Variants in FOXL2NB observed in about 807,000 individuals in gnomAD.
FOXL2NB encodes FOXL2 neighbor.
Under a neutral mutation model 7.4 loss-of-function variants are expected in FOXL2NB, and 10 were observed. That is an observed-to-expected ratio of 1.34 (90% CI 0.83 to 2.28). FOXL2NB has a LOEUF of 2.28. FOXL2NB is among the 30% of genes most tolerant of loss of function. The pLI is 0.00. For synonymous variants in FOXL2NB, 104 were observed against 105.3 expected (o/e 0.99, Z 0.08); for missense variants, 228 against 233.9 (o/e 0.97, Z 0.17).
intron 1 of FOXL2NB, chr3:138,948,017 T>C (rs1314201870): frequency 6.4e-5 from 63 of 983,194 alleles, no homozygotes; most frequent in Non-Finnish European, 7.1e-5. Context: ...GGTATGCACA[T>C]GTACAAGGTG....
chr3:138,950,841 A>T lies in FOXL2NB; in HGVS notation c.*269A>T. 2.0e-6 allele frequency: 1 copy of T among 490,220 alleles called. No individual in the cohort carries two copies. The highest frequency in any genetic ancestry group is 3.6e-6 in the Non-Finnish European group (1 of 280,404). The allele number at this position is 490,220 out of a possible 1,614,324, so 30.4% of individuals were successfully genotyped here. ...GAAAACATGTCAAGCCAATGTGCAG[A>T]CCCTAAGGCTTTTCACACGCTGCTC... On this transcript the variant is annotated 3_prime_UTR_variant, in exon 3 of 3. Coordinates refer to ENST00000383165, the MANE Select transcript of FOXL2NB (RefSeq NM_001040061.3).
chr3:138,950,194 C>T, intron 2 of FOXL2NB, 71 bp from the exon 3 acceptor site: 1 of 1,544,616 alleles, frequency 6.5e-7, no homozygotes, highest in Non-Finnish European at 8.9e-7. Context: ...AGCCTGGCCC[C>T]GCGCCTCGGA....
chr3:138,948,829 A>G (rs1297708577), intron 1 of FOXL2NB, among the ~76,000 whole-genome samples: 2 of 152,202 alleles, frequency 1.3e-5, no homozygotes, highest in African/African-American at 2.4e-5. Context: ...GGAATTCAGC[A>G]TCTTGAAGAT....
chr3:138,953,849 T>G lies in FOXL2NB; in HGVS notation c.*3277T>G, dbSNP rs574329455. Among the ~76,000 whole-genome samples the G allele has an allele frequency of 7.2e-5, 11 of 152,384 alleles. No homozygotes were observed. The South Asian group carries it at 1.2e-3, about 17-fold the overall frequency. On this transcript the variant is annotated 3_prime_UTR_variant, in exon 3 of 3. Coordinates refer to ENST00000383165, the MANE Select transcript of FOXL2NB (RefSeq NM_001040061.3). ...TGTGCAACATATTTTTAATATTCACTGGTCTTGTTGCATGTGTCAGACATT... is the reference window on the plus strand; with the variant it reads ...TGTGCAACATATTTTTAATATTCACGGGTCTTGTTGCATGTGTCAGACATT...
At position 138,953,752 on chromosome 3, in the gene FOXL2NB, A is replaced by G. The variant is rs1482724765; in HGVS notation, c.*3180A>G. 6.6e-6 allele frequency among the ~76,000 whole-genome samples: 1 copy of G among 152,232 alleles called. No homozygotes were observed. Among genetic ancestry groups the G allele is most frequent in the Admixed American group, 6.5e-5 (1 of 15,284 alleles). ...CATATTTGGATTTCTATCACCATAA[A>G]TAACCTTTGCCTGCCTTGAGCCTCG... On this transcript the variant is annotated 3_prime_UTR_variant, in exon 3 of 3. Transcript: ENST00000383165.
At chr3:138,950,181 C>A in intron 2 of FOXL2NB, 84 bp from the exon 3 acceptor site, 1 of 1,466,054 alleles carries the variant, frequency 6.8e-7, no homozygotes, top group Non-Finnish European at 9.4e-7. Flanking sequence ...CGCGCCTCCT[C>A]GCAGCCTGGC....
rs1936106880 is a variant in FOXL2NB at position 138,950,433 on chromosome 3, C to G, written c.389C>G (p.Pro130Arg). 1 of 1,614,042 alleles carries G rather than the reference C, an allele frequency of 6.2e-7. No homozygotes were observed. Among genetic ancestry groups the G allele is most frequent in the South Asian group, 1.1e-5 (1 of 91,092 alleles). ...AGCLNQVPLS[P>R]FLAGPRNTRR... The stretch of plus-strand genomic sequence containing the variant: ...TGCCTGAACCAGGTTCCGCTGTCCC[C>G]TTTCCTAGCGGGACCCCGAAACACC... Residue 130 changes from proline to arginine, a missense_variant, in exon 3 of 3, where the codon CCT (proline) becomes CGT (arginine). By Grantham distance (103) the Pro-to-Arg change is moderately radical (BLOSUM62 -2). Transcript: ENST00000383165.
rs1218492451 is a variant in FOXL2NB, at chr3:138,951,690, A to G, written c.*1118A>G. 4 of 152,188 alleles carry G rather than the reference A, an allele frequency of 2.6e-5. No individual in the cohort carries two copies. The highest frequency in any genetic ancestry group is 4.4e-5 in the Non-Finnish European group (3 of 68,070). 9.4% of individuals were successfully genotyped at this position (152,188 alleles called of 1,614,324 possible). A position where few individuals can be genotyped will look rare whatever the true frequency, so the allele number is the denominator to read the frequency against. ...TATCCCTCATGACATCTATGGCCCA[A>G]AGCCATTTTGTTCAGCTCTGAACAG... On this transcript the variant is annotated 3_prime_UTR_variant, in exon 3 of 3. Coordinates refer to ENST00000383165, the MANE Select transcript of FOXL2NB (RefSeq NM_001040061.3).
At position 138,950,365 on chromosome 3, in the gene FOXL2NB, C is replaced by A. The variant is rs1183947353; in HGVS notation, c.321C>A (p.Ser107Arg). 7.4e-6 allele frequency: 12 copies of A among 1,611,916 alleles called. No homozygotes were observed. Among genetic ancestry groups the A allele is most frequent in the African/African-American group, 2.7e-5 (2 of 74,866 alleles). Residue 107 changes from serine (S) to arginine (R), a missense_variant, in exon 3 of 3, where the codon AGC becomes AGA. Ser to Arg is a moderately radical substitution (Grantham distance 110). Transcript: ENST00000383165. ...GTCGCGGCTGCTCTGAGGCAGGCAGCGCTTCGCTAGAACCACTCAGCTCGT... is the reference window on the plus strand; with the variant it reads ...GTCGCGGCTGCTCTGAGGCAGGCAGAGCTTCGCTAGAACCACTCAGCTCGT... ...GKRRGCSEAG[S>R]ASLEPLSSSR...
Position 138,949,932 on chromosome 3 carries a change from T to C in FOXL2NB, c.220+293T>C, listed in dbSNP as rs926602121. ...TTTTGTGGACGCCAGGGCCGGTTCC[T>C]TTTCTCCCCGCGGCATTGGGGCGAC... On this transcript the variant is annotated intron_variant, in intron 2 of 2. Coordinates refer to ENST00000383165, the MANE Select transcript of FOXL2NB (RefSeq NM_001040061.3). The surrounding 1 kb of genome is among the most constrained non-coding windows in gnomAD (Gnocchi z 4.5). 8.7e-6 allele frequency: 6 copies of C among 689,226 alleles called. No homozygotes were observed. Among genetic ancestry groups the C allele is most frequent in the Non-Finnish European group, 1.6e-5 (6 of 378,422 alleles). 42.7% of individuals were successfully genotyped at this position (689,226 alleles called of 1,614,324 possible). A position where few individuals can be genotyped will look rare whatever the true frequency, so the allele number is the denominator to read the frequency against.
At position 138,949,936 on chromosome 3, in the gene FOXL2NB, C is replaced by T. The variant is rs1192157105; in HGVS notation, c.220+297C>T. ...GTGGACGCCAGGGCCGGTTCCTTTT[C>T]TCCCCGCGGCATTGGGGCGACGCAG... On this transcript the variant is annotated intron_variant, in intron 2 of 2. Transcript: ENST00000383165. The surrounding 1 kb of genome is among the most constrained non-coding windows in gnomAD (Gnocchi z 4.5). 2.9e-6 allele frequency: 2 copies of T among 692,502 alleles called. No homozygotes were observed. Among genetic ancestry groups the T allele is most frequent in the South Asian group, 1.5e-5 (1 of 66,722 alleles). 42.9% of individuals were successfully genotyped at this position (692,502 alleles called of 1,614,324 possible).
rs1460922525 is a variant in FOXL2NB, at chr3:138,947,714, A to G, written c.100+250A>G. 18 of 1,235,080 alleles carry G rather than the reference A, an allele frequency of 1.5e-5. No homozygotes were observed. The highest frequency in any genetic ancestry group is 1.1e-5 in the Non-Finnish European group (11 of 987,872). The allele number at this position is 1,235,080 out of a possible 1,614,324, so 76.5% of individuals were successfully genotyped here. A position where few individuals can be genotyped will look rare whatever the true frequency, so the allele number is the denominator to read the frequency against. ...GGCAGGGGAGAGGATCTCTGGAAAT[A>G]GTCGTCAGGGGCGCCGCCTGAATCA... is the stretch of plus-strand genomic sequence containing the variant. On this transcript the variant is annotated intron_variant, in intron 1 of 2. Transcript: ENST00000383165. The surrounding 1 kb of genome is among the most constrained non-coding windows in gnomAD (Gnocchi z 5.2).
chr3:138,948,993 C>A (rs1416702900), intron 1 of FOXL2NB, among the ~76,000 whole-genome samples: 1 of 152,230 alleles, frequency 6.6e-6, no homozygotes, highest in Non-Finnish European at 1.5e-5. Flanking sequence ...ATCCCTGCTG[C>A]TGCTTTCTGA....
At position 138,947,316 on chromosome 3, in the gene FOXL2NB, AC is replaced by A; in HGVS notation, c.-48del. 1 of 1,459,338 alleles carries A rather than the reference AC, an allele frequency of 6.9e-7. No homozygotes were observed. The highest frequency in any genetic ancestry group is 9.3e-7 in the Non-Finnish European group (1 of 1,072,388). The allele number at this position is 1,459,338 out of a possible 1,614,324, so 90.4% of individuals were successfully genotyped here. On this transcript the variant is annotated 5_prime_UTR_variant, in exon 1 of 3. Coordinates refer to ENST00000383165, the MANE Select transcript of FOXL2NB (RefSeq NM_001040061.3). This position sits in a 1 kb window ranked among gnomAD's most constrained non-coding sequence, Gnocchi z 5.2. ...AGGGGCCCAGCCGACAGCCAGGCTC[AC>A]GCGCCCTTGAAATCTGCCGGTACTC...
chr3:138,948,044 G>A lies in FOXL2NB; in HGVS notation c.100+580G>A, dbSNP rs369097309. ...TACAAGGTGTGAGATTTGTATTTAC[G>A]AGGTAAAACACACTTATACTGATAG... is the stretch of plus-strand genomic sequence containing the variant. On this transcript the variant is annotated intron_variant, in intron 1 of 2. Transcript: ENST00000383165. The A allele has an allele frequency of 1.4e-5, 13 of 933,428 alleles. No individual in the cohort carries two copies. In the South Asian group the frequency reaches 5.9e-4, roughly 43 times the overall value. 57.8% of individuals were successfully genotyped at this position (933,428 alleles called of 1,614,324 possible).
At position 138,947,733 on chromosome 3, in the gene FOXL2NB, T is replaced by A; in HGVS notation, c.100+269T>A. On this transcript the variant is annotated intron_variant, in intron 1 of 2. Coordinates refer to ENST00000383165, the MANE Select transcript of FOXL2NB (RefSeq NM_001040061.3). This position sits in a 1 kb window ranked among gnomAD's most constrained non-coding sequence, Gnocchi z 5.2. ...GGAAATAGTCGTCAGGGGCGCCGCC[T>A]GAATCACCTCTGCCTCTCCCTGCGT... The A allele has an allele frequency of 8.3e-7, 1 of 1,200,640 alleles. No individual in the cohort carries two copies. The highest frequency in any genetic ancestry group is 1.0e-6 in the Non-Finnish European group (1 of 965,906). 74.4% of individuals were successfully genotyped at this position (1,200,640 alleles called of 1,614,324 possible). A position where few individuals can be genotyped will look rare whatever the true frequency, so the allele number is the denominator to read the frequency against.
In FOXL2NB at chr3:138,949,615, C is replaced by T. The variant is rs1559924138; in HGVS notation, c.196C>T (p.Arg66Trp). ...CAAGATGTGCCTTCACATGGCTGTC[C>T]GGCATTCGAAGGCTCAGAAAACAGG... is the stretch of plus-strand genomic sequence containing the variant. ...LPKMCLHMAV[R>W]HSKAQKTGPG... is the part of the protein sequence containing the mutation. Residue 66 changes from arginine to tryptophan, a missense_variant, in exon 2 of 3, where the codon CGG (arginine) becomes TGG (tryptophan). Coordinates refer to ENST00000383165, the MANE Select transcript of FOXL2NB (RefSeq NM_001040061.3). This position sits in a 1 kb window ranked among gnomAD's most constrained non-coding sequence, Gnocchi z 4.5. The T allele has an allele frequency of 3.7e-6, 6 of 1,614,102 alleles. No homozygotes were observed. Among genetic ancestry groups the T allele is most frequent in the Middle Eastern group, 1.6e-4 (1 of 6,062 alleles).
In FOXL2NB at chr3:138,949,492, G is replaced by T; in HGVS notation, c.101-28G>T. 1 of 1,613,594 alleles carries T rather than the reference G, an allele frequency of 6.2e-7. No homozygotes were observed. Among genetic ancestry groups the T allele is most frequent in the South Asian group, 1.1e-5 (1 of 91,016 alleles). On this transcript the variant is annotated intron_variant, in intron 1 of 2. Coordinates refer to ENST00000383165, the MANE Select transcript of FOXL2NB (RefSeq NM_001040061.3). The surrounding 1 kb of genome is among the most constrained non-coding windows in gnomAD (Gnocchi z 4.5). The stretch of plus-strand genomic sequence containing the variant: ...AAAGGAGTTCTGCTCTGAAAATACT[G>T]ATTTCTGACTGTCCCGTAGAGGAAC...
Position 138,949,877 on chromosome 3 carries a change from CCT to C in FOXL2NB, c.220+243_220+244del, listed in dbSNP as rs1404243888. ...GGCTGGTTGCTGGCGAGGTCGGGAT[CCT>C]CTCTGAACAGGGCATACTGTGCCTA... On this transcript the variant is annotated intron_variant, in intron 2 of 2. Transcript: ENST00000383165. This position sits in a 1 kb window ranked among gnomAD's most constrained non-coding sequence, Gnocchi z 4.5. The C allele has an allele frequency of 2.9e-6, 2 of 700,886 alleles. No individual in the cohort carries two copies. Among genetic ancestry groups the C allele is most frequent in the African/African-American group, 3.5e-5 (2 of 57,170 alleles). 43.4% of individuals were successfully genotyped at this position (700,886 alleles called of 1,614,324 possible).
Sources: gnomAD v4.1 joint callset for allele counts (sites outside exome capture counted in the v4.1 genomes callset) on GRCh38, gnomAD v4.1.1 for gene constraint, Gnocchi (gnomAD v3.1) non-coding constraint, MANE v1.5 for transcripts, NCBI Gene and HGNC (gene_info 2026-07-23, HGNC 2026-07-21) for gene names.